The following RAB11FIP4 variants were observed in gnomAD, a reference collection of about 807,000 sequenced individuals.
The protein encoded by RAB11FIP4 is RAB11 family interacting protein 4.
Under a neutral mutation model 74.3 loss-of-function variants are expected in RAB11FIP4, and 23 were observed. That is an observed-to-expected ratio of 0.31 (90% CI 0.22 to 0.44). The LOEUF (loss-of-function observed/expected upper bound fraction) is 0.44, where lower values mean the gene tolerates loss of function less well. Among genes scored for constraint, RAB11FIP4 ranks in the 20% least tolerant of loss-of-function variants. RAB11FIP4 has a pLI of 1.00. For synonymous variants in RAB11FIP4, 360 were observed against 359.9 expected (o/e 1.00, Z 0.00); for missense variants, 630 against 863.9 (o/e 0.73, Z 3.39).
At chr17:31,494,489 C>A (rs1418323156) in intron 3 of RAB11FIP4, among the ~76,000 whole-genome samples, 1 of 152,134 alleles carries the variant, frequency 6.6e-6, no homozygotes, top group Non-Finnish European at 1.5e-5. Flanking sequence ...ACCTTCGCAC[C>A]TAACAGAATG....
At position 31,528,428 on chromosome 17, in the gene RAB11FIP4, G is replaced by A. The variant is rs141120275; in HGVS notation, c.1379G>A (p.Arg460His). 99 of 1,612,934 alleles carry A rather than the reference G, an allele frequency of 6.1e-5. No homozygotes were observed. Among genetic ancestry groups the A allele is most frequent in the Middle Eastern group, 1.6e-4 (1 of 6,084 alleles). Residue 460 changes from arginine (R) to histidine (H), a missense_variant, in exon 12 of 15, where the codon CGT becomes CAT. Coordinates refer to ENST00000621161, the MANE Select transcript of RAB11FIP4 (RefSeq NM_032932.6). ...LDEERQRMSD[R>H]LEDTSLRLKD... ...CAGGAGCGGCAGCGCATGTCTGACC[G>A]TCTGGAGGACACCAGCCTGCGGCTC...
At chr17:31,459,896 G>A (rs982151751) in intron 3 of RAB11FIP4, among the ~76,000 whole-genome samples, 4 of 152,162 alleles carry the variant, frequency 2.6e-5, no homozygotes, top group African/African-American at 9.7e-5. Context: ...GGGGTCCCAG[G>A]GCTTGTGTGG....
At position 31,530,430 on chromosome 17, in the gene RAB11FIP4, G is replaced by A. The variant is rs755798479; in HGVS notation, c.1758G>A (p.Gln586=). The A allele has an allele frequency of 1.2e-6, 2 of 1,614,092 alleles. No homozygotes were observed. The highest frequency in any genetic ancestry group is 1.1e-5 in the South Asian group (1 of 91,088). Residue 586 remains glutamine, a synonymous_variant, in exon 14 of 15, where the codon CAG becomes CAA. Coordinates refer to ENST00000621161, the MANE Select transcript of RAB11FIP4 (RefSeq NM_032932.6). Reference sequence around the variant, plus strand: ...TCTTTGCTGCCCAGACTAAAGCCCAGTCTCTGGCTGCGGAGATAGACACCG... The same window carrying A: ...TCTTTGCTGCCCAGACTAAAGCCCAATCTCTGGCTGCGGAGATAGACACCG... The part of the protein sequence containing the change: ...KNLFAAQTKA[Q]SLAAEIDTAS...
At chr17:31,476,884 G>C (rs1036858450) in intron 3 of RAB11FIP4, among the ~76,000 whole-genome samples, 2 of 152,242 alleles carry the variant, frequency 1.3e-5, no homozygotes, top group Non-Finnish European at 2.9e-5. Flanking sequence ...CCTGGCAGGG[G>C]AGGCACAAAG....
chr17:31,404,521 A>G (rs2071025181), intron 1 of RAB11FIP4, among the ~76,000 whole-genome samples: 1 of 152,250 alleles, frequency 6.6e-6, no homozygotes. Context: ...TAGTGGGGAT[A>G]ATATTAGCAA....
chr17:31,495,195 A>G (rs1348101468), intron 3 of RAB11FIP4, among the ~76,000 whole-genome samples: 2 of 152,102 alleles, frequency 1.3e-5, no homozygotes, highest in Non-Finnish European at 2.9e-5. Context: ...AAGCCAGACA[A>G]AAAGGTGCAG....
Position 31,434,091 on chromosome 17 carries a change from G to A in RAB11FIP4, c.305G>A (p.Cys102Tyr). Reference protein sequence around the residue: ...LSVESAGTLPCAPEIPDCVEQ... With the variant: ...LSVESAGTLPYAPEIPDCVEQ... ...GTGGAGAGCGCGGGGACGCTGCCGT[G>A]CGCGCCAGAGATCCCAGACTGCGTG... Residue 102 changes from cysteine to tyrosine, a missense_variant, in exon 3 of 15, where the codon TGC becomes TAC. By Grantham distance (194) the Cys-to-Tyr change is radical. Coordinates refer to ENST00000621161, the MANE Select transcript of RAB11FIP4 (RefSeq NM_032932.6). The A allele has an allele frequency of 6.3e-7, 1 of 1,585,608 alleles. No individual in the cohort carries two copies. The highest frequency in any genetic ancestry group is 1.1e-5 in the South Asian group (1 of 87,244).
intron 10 of RAB11FIP4, chr17:31,527,593 C>CA (rs1235347976): frequency 0.011 from 4,430 of 400,544 alleles, no homozygotes; most frequent in East Asian, 0.014. Context: ...GACTCTGTCT[C>CA]AAAAAAAAAA....
chr17:31,394,171 A>G (rs1397026969), intron 1 of RAB11FIP4, among the ~76,000 whole-genome samples: 8 of 152,206 alleles, frequency 5.3e-5, no homozygotes, highest in Non-Finnish European at 2.9e-5. Flanking sequence ...GGACAAGCAA[A>G]ATAAAAAGTA....
chr17:31,488,023 C>T, intron 3 of RAB11FIP4: 5 of 1,011,922 alleles, frequency 4.9e-6, no homozygotes, highest in Non-Finnish European at 5.9e-6. Context: ...CCAGGCGCCT[C>T]GTGATGTCAC....
chr17:31,442,250 C>T (rs541085539), intron 3 of RAB11FIP4, among the ~76,000 whole-genome samples: 18 of 152,112 alleles, frequency 1.2e-4, no homozygotes, highest in Admixed American at 6.5e-5. Flanking sequence ...CCACCTGCCT[C>T]GGCCTCCCAA....
chr17:31,410,327 G>A (rs772880715), intron 1 of RAB11FIP4, among the ~76,000 whole-genome samples: 15 of 152,118 alleles, frequency 9.9e-5, no homozygotes, highest in Admixed American at 3.9e-4. Context: ...CCAGGATGAT[G>A]AGGATGATGA....
chr17:31,426,755 T>C (rs565272859), intron 1 of RAB11FIP4, among the ~76,000 whole-genome samples: 5 of 150,022 alleles, frequency 3.3e-5, no homozygotes, highest in Admixed American at 6.6e-5. Context: ...CACACCACCA[T>C]GCCCAGCTAC....
intron 3 of RAB11FIP4, among the ~76,000 whole-genome samples, chr17:31,498,452 G>T (rs2072157809): frequency 6.6e-6 from 1 of 152,226 alleles, no homozygotes; most frequent in South Asian, 2.1e-4. Context: ...GGGCAGGGAG[G>T]AGGAGAGGGT....
Position 31,534,457 on chromosome 17 carries a change from CAG to C in RAB11FIP4, c.*2726_*2727del, listed in dbSNP as rs1312933371. 1 of 152,096 alleles carries C rather than the reference CAG, an allele frequency of 6.6e-6. No homozygotes were observed. Among genetic ancestry groups the C allele is most frequent in the African/African-American group, 2.4e-5 (1 of 41,408 alleles). 9.4% of individuals were successfully genotyped at this position (152,096 alleles called of 1,614,324 possible). On this transcript the variant is annotated 3_prime_UTR_variant, in exon 15 of 15. Coordinates refer to ENST00000621161, the MANE Select transcript of RAB11FIP4 (RefSeq NM_032932.6). ...TAATTTTTCTTATTTTTTGTAGAGA[CAG>C]GGTCTCACTGTGTTGCCTCACTCGA...
chr17:31,453,369 AAAAAAAAAAAAC>A lies in RAB11FIP4; in HGVS notation c.336+19251_336+19262del, dbSNP rs796845839. Among the ~76,000 whole-genome samples, 426 of 149,506 alleles carry A rather than the reference AAAAAAAAAAAAC, an allele frequency of 2.8e-3. 7 individuals carry two copies. Among genetic ancestry groups the A allele is most frequent in the African/African-American group, 0.01 (404 of 40,024 alleles). On this transcript the variant is annotated intron_variant, in intron 3 of 14. Transcript: ENST00000621161. ...AGACCCTACCTCAAAAAAAAAAAAA[AAAAAAAAAAAAC>A]AAACCTGGGGAGAGTTTGGGACCTT...
At chr17:31,481,168 C>T (rs994980429) in intron 3 of RAB11FIP4, among the ~76,000 whole-genome samples, 1 of 152,112 alleles carries the variant, frequency 6.6e-6, no homozygotes, top group African/African-American at 2.4e-5. Context: ...TGTCAGCACC[C>T]ACTGTTGTCA....
At chr17:31,487,598 G>A (rs889031698) in intron 3 of RAB11FIP4, among the ~76,000 whole-genome samples, 23 of 152,110 alleles carry the variant, frequency 1.5e-4, no homozygotes, top group Non-Finnish European at 2.9e-5. Context: ...CAGCCTAGGC[G>A]CCCCCGGACT....
chr17:31,527,882 A>G lies in RAB11FIP4; in HGVS notation c.1315A>G (p.Thr439Ala), dbSNP rs1211210928. ...LEEENTELRTTVTRLKSQTEK... is the reference protein window; with the variant it reads ...LEEENTELRTAVTRLKSQTEK... ...GGAAGAAAATACAGAGCTTAGAACA[A>G]CAGTGACTCGGCTCAAGTCTCAAAC... Residue 439 changes from threonine to alanine, a missense_variant, in exon 11 of 15, where the codon ACA (threonine) becomes GCA (alanine). Physicochemically the swap from Thr to Ala is moderately conservative, Grantham distance 58. Transcript: ENST00000621161. 1 of 1,606,700 alleles carries G rather than the reference A, an allele frequency of 6.2e-7. No individual in the cohort carries two copies. Among genetic ancestry groups the G allele is most frequent in the Non-Finnish European group, 8.5e-7 (1 of 1,176,872 alleles).
Sources: allele counts gnomAD v4.1 joint callset (sites outside exome capture counted in the v4.1 genomes callset), GRCh38; gene constraint gnomAD v4.1.1; transcripts MANE v1.5; gene names NCBI Gene and HGNC (gene_info 2026-07-23, HGNC 2026-07-21).